APBA2: variants seen among roughly 807,000 people sequenced by gnomAD.
APBA2 encodes amyloid beta precursor protein binding family A member 2, also known as amyloid-beta A4 precursor protein-binding family A member 2.
APBA2 carries 30 observed loss-of-function variants against 75.0 expected under a neutral mutation model. That is an observed-to-expected ratio of 0.40 (90% CI 0.30 to 0.54). The LOEUF is 0.54. Ranked by LOEUF, APBA2 falls within the 20% of genes least tolerant of loss-of-function variation. The pLI, the probability that APBA2 is intolerant of heterozygous loss-of-function variation, is 0.49. For missense variants in APBA2, 801 were observed against 1,016.1 expected (o/e 0.79, Z 2.88); for synonymous variants, 444 against 409.6 (o/e 1.08, Z -1.01).
intron 4 of APBA2, among the ~76,000 whole-genome samples, chr15:29,069,456 C>T (rs942689787): frequency 3.3e-5 from 5 of 152,202 alleles, no homozygotes; most frequent in African/African-American, 9.7e-5. Context: ...AGTGACAGAA[C>T]ATTTTACATT....
At chr15:29,116,301 A>C (rs1248046350) in intron 14 of APBA2, among the ~76,000 whole-genome samples, 1 of 152,120 alleles carries the variant, frequency 6.6e-6, no homozygotes, top group Non-Finnish European at 1.5e-5. Context: ...CCCAGCCCCC[A>C]GCACACTTTC....
At chr15:28,972,859 C>CA (rs1279395758) in intron 2 of APBA2, among the ~76,000 whole-genome samples, 1 of 152,122 alleles carries the variant, frequency 6.6e-6, no homozygotes, top group Non-Finnish European at 1.5e-5. Flanking sequence ...CAATGTCAGC[C>CA]AAAAAATACT....
At chr15:28,941,637 G>A (rs2035232679) in intron 2 of APBA2, among the ~76,000 whole-genome samples, 1 of 152,182 alleles carries the variant, frequency 6.6e-6, no homozygotes, top group African/African-American at 2.4e-5. Context: ...CTACAACCAG[G>A]ATGTGGTCAG....
intron 2 of APBA2, among the ~76,000 whole-genome samples, chr15:28,969,273 C>T (rs866335272): frequency 6.6e-6 from 1 of 151,864 alleles, no homozygotes; most frequent in African/African-American, 2.4e-5. Flanking sequence ...CTCCGTCTCG[C>T]GGGCTCAAGC....
At chr15:29,033,105 G>A (rs1040759089) in intron 3 of APBA2, among the ~76,000 whole-genome samples, 3 of 152,234 alleles carry the variant, frequency 2.0e-5, no homozygotes, top group South Asian at 2.1e-4. Flanking sequence ...CCCAGCCTCT[G>A]AACGAGAATT....
intron 1 of APBA2, among the ~76,000 whole-genome samples, chr15:28,921,411 G>T (rs2033963451): frequency 6.6e-6 from 1 of 152,150 alleles, no homozygotes; most frequent in Non-Finnish European, 1.5e-5. Context: ...TTGAAGACTT[G>T]GGGGAGAATC....
chr15:29,116,611 G>C (rs1280943360), intron 14 of APBA2, among the ~76,000 whole-genome samples: 2 of 148,738 alleles, frequency 1.3e-5, no homozygotes, highest in Non-Finnish European at 3.0e-5. Context: ...CTGGGCGACA[G>C]AGCAAGACTC....
chr15:29,108,690 C>A, intron 13 of APBA2: 1 of 530,848 alleles, frequency 1.9e-6, no homozygotes, highest in East Asian at 3.3e-5. Flanking sequence ...CTTCACCAGC[C>A]ACTGTAGCTT....
intron 4 of APBA2, among the ~76,000 whole-genome samples, chr15:29,073,133 A>G (rs777751072): frequency 6.6e-6 from 1 of 152,108 alleles, no homozygotes; most frequent in Non-Finnish European, 1.5e-5. Context: ...AATTTTTCTC[A>G]AAACCCCAGA....
intron 6 of APBA2, among the ~76,000 whole-genome samples, chr15:29,080,881 TCTC>T (rs1429127709): frequency 6.6e-6 from 1 of 152,150 alleles, no homozygotes; most frequent in South Asian, 2.1e-4. Context: ...TGTACTTTGT[TCTC>T]CTCATCCAAA....
chr15:29,073,215 G>A (rs531240033), intron 4 of APBA2, among the ~76,000 whole-genome samples: 2 of 152,216 alleles, frequency 1.3e-5, no homozygotes, highest in Non-Finnish European at 2.9e-5. Flanking sequence ...GCCATGCCTC[G>A]TGGCATCACC....
intron 10 of APBA2, among the ~76,000 whole-genome samples, chr15:29,104,555 TAGAA>T (rs760186295): frequency 6.6e-6 from 1 of 152,144 alleles, no homozygotes; most frequent in Admixed American, 6.5e-5. Context: ...TCAGCGGAAG[TAGAA>T]AGAAGTGACG....
chr15:28,941,913 C>T (rs890492805), intron 2 of APBA2, among the ~76,000 whole-genome samples: 8 of 152,156 alleles, frequency 5.3e-5, no homozygotes, highest in African/African-American at 1.9e-4. Context: ...CCCGCCACCA[C>T]GCCTGGCTAA....
At chr15:29,115,346 T>C (rs2045029198) in intron 14 of APBA2, among the ~76,000 whole-genome samples, 1 of 151,938 alleles carries the variant, frequency 6.6e-6, no homozygotes, top group Non-Finnish European at 1.5e-5. Context: ...CACTGCAGGG[T>C]CGGCTGGGAG....
chr15:29,075,948 T>G (rs1314007298), intron 5 of APBA2, 107 bp from the exon 6 acceptor site: 18 of 993,730 alleles, frequency 1.8e-5, no homozygotes, highest in Admixed American at 1.7e-4. Flanking sequence ...TCATGGGGGG[T>G]TTGCTTTTCT....
At position 29,093,004 on chromosome 15, in the gene APBA2, G is replaced by A. The variant is rs2043653190; in HGVS notation, c.1070-71G>A. ...TGGCTGCCGTGTTCCTTGTGCTATGGCCAGGCATGCAAGTTCTTTGTTCAG... is the reference window on the plus strand; with the variant it reads ...TGGCTGCCGTGTTCCTTGTGCTATGACCAGGCATGCAAGTTCTTTGTTCAG... On this transcript the variant is annotated intron_variant, in intron 6 of 14. Transcript: ENST00000683413. 8 of 1,591,492 alleles carry A rather than the reference G, an allele frequency of 5.0e-6. No individual in the cohort carries two copies. The South Asian group carries it at 7.7e-5, about 15-fold the overall frequency.
chr15:28,963,505 A>G (rs1595581190), intron 2 of APBA2, among the ~76,000 whole-genome samples: 2 of 152,342 alleles, frequency 1.3e-5, no homozygotes, highest in East Asian at 1.9e-4. Context: ...CACAGCTAAC[A>G]GGTGCCAGAG....
chr15:28,902,269 C>T (rs1328372354), intron 1 of APBA2, among the ~76,000 whole-genome samples: 1 of 152,064 alleles, frequency 6.6e-6, no homozygotes, highest in Non-Finnish European at 1.5e-5. Flanking sequence ...GAGGAGGGCA[C>T]TTTCCTTCTG....
At chr15:29,099,605 G>A (rs2044019096) in intron 9 of APBA2, among the ~76,000 whole-genome samples, 2 of 152,200 alleles carry the variant, frequency 1.3e-5, no homozygotes, top group African/African-American at 4.8e-5. Flanking sequence ...TAGGCAAAAG[G>A]AACCATGGTT....
Sources: gnomAD v4.1 joint callset for allele counts (sites outside exome capture counted in the v4.1 genomes callset) on GRCh38, gnomAD v4.1.1 for gene constraint, MANE v1.5 for transcripts, NCBI Gene and HGNC (gene_info 2026-07-23, HGNC 2026-07-21) for gene names.